Variants in CCDC3 observed in about 807,000 individuals in gnomAD.
CCDC3 encodes the protein coiled-coil domain containing 3.
CCDC3 carries 24 observed loss-of-function variants against 21.4 expected under a neutral mutation model. The observed-to-expected ratio is 1.12, with a 90% CI of 0.81 to 1.58. The LOEUF is 1.58. Ranked by LOEUF, CCDC3 falls within the 40% of genes most tolerant of loss-of-function variation. The pLI is 0.00. For synonymous variants in CCDC3, 186 were observed against 166.0 expected (o/e 1.12, Z -0.93); for missense variants, 425 against 360.9 (o/e 1.18, Z -1.44).
At chr10:12,926,747 C>G (rs916758839) in intron 2 of CCDC3, among the ~76,000 whole-genome samples, 7 of 152,160 alleles carry the variant, frequency 4.6e-5, no homozygotes, top group African/African-American at 1.7e-4. Context: ...ATAGGTATAT[C>G]ATGCAAACAC....
intron 2 of CCDC3, among the ~76,000 whole-genome samples, chr10:12,991,985 A>G (rs1022205525): frequency 2.0e-5 from 3 of 152,146 alleles, no homozygotes; most frequent in African/African-American, 7.2e-5. Context: ...AGATCTACTC[A>G]TGAATTAAGC....
intron 2 of CCDC3, among the ~76,000 whole-genome samples, chr10:12,955,731 G>GT (rs1416142486): frequency 5.3e-5 from 8 of 151,232 alleles, no homozygotes; most frequent in Admixed American, 5.3e-4. Flanking sequence ...TTTTGTGTTT[G>GT]TTTTTTGTTG....
At chr10:13,077,349 G>A (rs1204141687) in intron 3 of CCDC3, among the ~76,000 whole-genome samples, 3 of 152,178 alleles carry the variant, frequency 2.0e-5, no homozygotes, top group Non-Finnish European at 2.9e-5. Context: ...ACTGCTGAAC[G>A]AAATAAAAGA....
At chr10:13,070,986 G>C (rs1437709451) in intron 4 of CCDC3, among the ~76,000 whole-genome samples, 4 of 152,026 alleles carry the variant, frequency 2.6e-5, no homozygotes, top group Non-Finnish European at 5.9e-5. Flanking sequence ...CTGCAGCTCA[G>C]AAAAAAACAA....
intron 5 of CCDC3, among the ~76,000 whole-genome samples, chr10:13,014,692 T>C (rs1836029473): frequency 6.6e-6 from 1 of 152,050 alleles, no homozygotes; most frequent in Non-Finnish European, 1.5e-5. Flanking sequence ...ATGAGTATCC[T>C]ATAGCGGTTT....
At chr10:12,915,504 T>C (rs571696756) in intron 2 of CCDC3, among the ~76,000 whole-genome samples, 4 of 152,374 alleles carry the variant, frequency 2.6e-5, no homozygotes, top group African/African-American at 9.6e-5. Flanking sequence ...AGTCAGTTAC[T>C]GGTGCTTTAT....
chr10:13,012,304 G>A (rs962593653), intron 5 of CCDC3, among the ~76,000 whole-genome samples: 11 of 152,076 alleles, frequency 7.2e-5, no homozygotes, highest in Admixed American at 4.6e-4. Context: ...TCTAATAAAG[G>A]TCTAATATCC....
chr10:13,022,885 T>C (rs1836164585), intron 5 of CCDC3, among the ~76,000 whole-genome samples: 1 of 152,228 alleles, frequency 6.6e-6, no homozygotes, highest in Admixed American at 6.5e-5. Flanking sequence ...GAAAGTGATA[T>C]TGCAGAACTG....
intron 1 of CCDC3, 65 bp downstream of exon 1, chr10:13,001,132 G>A (rs969817769): frequency 2.6e-6 from 4 of 1,510,338 alleles, no homozygotes; most frequent in Admixed American, 2.1e-5. Flanking sequence ...CTGGCTCTAG[G>A]TAACGGCGAC....
At chr10:12,922,945 G>A (rs281854) in intron 2 of CCDC3, among the ~76,000 whole-genome samples, 148,138 of 152,330 alleles carry the variant, frequency 0.97, 72,167 homozygotes, top group East Asian at 1. Context: ...CAAATGTTCA[G>A]TATATAAACT....
chr10:12,917,759 A>T (rs1295285538), intron 2 of CCDC3, among the ~76,000 whole-genome samples: 3 of 152,160 alleles, frequency 2.0e-5, no homozygotes. Context: ...GATGGCTGTA[A>T]TCATTTCAGA....
At chr10:12,986,673 C>T (rs1455206120) in intron 2 of CCDC3, among the ~76,000 whole-genome samples, 1 of 151,704 alleles carries the variant, frequency 6.6e-6, no homozygotes, top group Non-Finnish European at 1.5e-5. Flanking sequence ...ACTCGGGAGG[C>T]TGAGGCAGGA....
chr10:12,958,966 G>A (rs531100621), intron 2 of CCDC3, among the ~76,000 whole-genome samples: 18 of 152,194 alleles, frequency 1.2e-4, no homozygotes, highest in Middle Eastern at 3.2e-3. Flanking sequence ...GATCAACCTA[G>A]TGGGAATGGG....
At chr10:13,029,282 G>C (rs1448523152) in intron 5 of CCDC3, among the ~76,000 whole-genome samples, 2 of 152,174 alleles carry the variant, frequency 1.3e-5, no homozygotes, top group African/African-American at 4.8e-5. Flanking sequence ...CTGACTGTTA[G>C]AAGGAAAACT....
chr10:13,095,977 C>G (rs1053152176), intron 3 of CCDC3, among the ~76,000 whole-genome samples: 1 of 152,136 alleles, frequency 6.6e-6, no homozygotes, highest in African/African-American at 2.4e-5. Context: ...TTCTACTTTC[C>G]TTTTCTGGAC....
At chr10:12,959,256 C>A (rs1835142694) in intron 2 of CCDC3, among the ~76,000 whole-genome samples, 1 of 151,966 alleles carries the variant, frequency 6.6e-6, no homozygotes, top group African/African-American at 2.4e-5. Context: ...CAACCTCTGC[C>A]TCCTGGGTTC....
chr10:12,985,136 A>T (rs1835567646), intron 2 of CCDC3, among the ~76,000 whole-genome samples: 1 of 152,232 alleles, frequency 6.6e-6, no homozygotes, highest in African/African-American at 2.4e-5. Flanking sequence ...AGAACAAAAA[A>T]TATGAAATCT....
intron 5 of CCDC3, among the ~76,000 whole-genome samples, chr10:13,006,975 C>T (rs760252845): frequency 3.3e-5 from 5 of 152,130 alleles, no homozygotes; most frequent in Non-Finnish European, 7.3e-5. Context: ...CTCTGCCAAT[C>T]GAAACATTCT....
chr10:13,068,507 T>C (rs1199348973), intron 4 of CCDC3, among the ~76,000 whole-genome samples: 1 of 152,174 alleles, frequency 6.6e-6, no homozygotes, highest in African/African-American at 2.4e-5. Context: ...ATTGGTAAAA[T>C]GTAGATGTCA....
Sources: gnomAD v4.1 joint callset for allele counts (sites outside exome capture counted in the v4.1 genomes callset) on GRCh38, gnomAD v4.1.1 for gene constraint, MANE v1.5 for transcripts, NCBI Gene and HGNC (gene_info 2026-07-23, HGNC 2026-07-21) for gene names.